RCOR2: variants seen among roughly 807,000 people sequenced by gnomAD.
RCOR2 encodes REST corepressor 2.
Under a neutral mutation model 58.9 loss-of-function variants are expected in RCOR2, and 19 were observed. The observed-to-expected ratio is 0.32, with a 90% CI of 0.23 to 0.47. The LOEUF (loss-of-function observed/expected upper bound fraction) is 0.47, where lower values mean the gene tolerates loss of function less well. Ranked by LOEUF, RCOR2 falls within the 20% of genes least tolerant of loss-of-function variation. The pLI is 1.00. For missense variants in RCOR2, 590 were observed against 707.9 expected (o/e 0.83, Z 1.89); for synonymous variants, 286 against 278.7 (o/e 1.03, Z -0.26).
chr11:63,927,014 G>T, the RCOR2 span, among the ~76,000 whole-genome samples: 4 of 151,168 alleles, frequency 2.6e-5, no homozygotes, highest in Admixed American at 2.6e-4. Context: ...TAGTAGAGAC[G>T]GGGTTTCACC....
chr11:63,911,736 T>TC lies in RCOR2; in HGVS notation c.*128dup. ...GAACCCAAAGGGCGGGGCTGGGCTG[T>TC]CCGAAACTCTGGTCTTACAAAGACC... On this transcript the variant is annotated 3_prime_UTR_variant, in exon 12 of 12. Coordinates refer to ENST00000301459, the MANE Select transcript of RCOR2 (RefSeq NM_173587.4). 1 of 1,358,398 alleles carries TC rather than the reference T, an allele frequency of 7.4e-7. No homozygotes were observed. The highest frequency in any genetic ancestry group is 1.8e-5 in the South Asian group (1 of 55,554). The allele number at this position is 1,358,398 out of a possible 1,614,324, so 84.1% of individuals were successfully genotyped here.
At chr11:63,926,575 C>G in the RCOR2 span, among the ~76,000 whole-genome samples, 1 of 151,280 alleles carries the variant, frequency 6.6e-6, no homozygotes, top group Non-Finnish European at 1.5e-5. Flanking sequence ...CAACCTCCAC[C>G]TCCCAGGTTC....
In RCOR2 at chr11:63,911,914, G is replaced by GT; in HGVS notation, c.1522_1523insA (p.Pro508HisfsTer48). ...CAGAGGGGTTCCAATCAGGGTGGGT[G>GT]GGGGCTGAGGGCCAGGGCGGGCGCT... On this transcript the variant is annotated frameshift_variant, in exon 12 of 12. Coordinates refer to ENST00000301459, the MANE Select transcript of RCOR2 (RefSeq NM_173587.4). LOFTEE classifies it high-confidence loss of function. 7.7e-7 allele frequency: 1 copy of GT among 1,304,528 alleles called. No homozygotes were observed. The highest frequency in any genetic ancestry group is 1.0e-6 in the Non-Finnish European group (1 of 976,060). The allele number at this position is 1,304,528 out of a possible 1,614,324, so 80.8% of individuals were successfully genotyped here. A position where few individuals can be genotyped will look rare whatever the true frequency, so the allele number is the denominator to read the frequency against.
At position 63,916,586 on chromosome 11, in the gene RCOR2, C is replaced by G; in HGVS notation, c.-130G>C. ...ACTGAGGTTAGGAGAGGCAGGAGGT[C>G]AGCGTGGCTAGGGTCCGGCGGGGTG... On this transcript the variant is annotated 5_prime_UTR_variant, in exon 1 of 12. Transcript: ENST00000301459. The G allele has an allele frequency of 1.4e-6, 2 of 1,416,678 alleles. No individual in the cohort carries two copies. The highest frequency in any genetic ancestry group is 1.5e-5 in the South Asian group (1 of 67,064). The allele number at this position is 1,416,678 out of a possible 1,614,324, so 87.8% of individuals were successfully genotyped here.
Position 63,912,900 on chromosome 11 carries a change from C to T in RCOR2, c.939G>A (p.Glu313=), listed in dbSNP as rs1473075475. 1.2e-5 allele frequency: 19 copies of T among 1,613,606 alleles called. No homozygotes were observed. Among genetic ancestry groups the T allele is most frequent in the Non-Finnish European group, 1.5e-5 (18 of 1,179,912 alleles). The stretch of plus-strand genomic sequence containing the variant: ...GGGGGCGTAGTGGATCAATACCGCC[C>T]TCCAGGGCTTGGCGCAGGCTGCTGT... ...QTNSSLRQAL[E]GGIDPLRPPE... Residue 313 remains glutamate, a synonymous_variant, in exon 9 of 12, where the codon GAG becomes GAA. Coordinates refer to ENST00000301459, the MANE Select transcript of RCOR2 (RefSeq NM_173587.4).
chr11:63,916,265 C>G, intron 1 of RCOR2, 65 bp downstream of exon 1: 1 of 1,391,992 alleles, frequency 7.2e-7, no homozygotes, highest in South Asian at 1.3e-5. Flanking sequence ...GCAACTCTTC[C>G]CCCTCCCGCC....
At chr11:63,925,814 AG>A in the RCOR2 span, among the ~76,000 whole-genome samples, 1 of 151,060 alleles carries the variant, frequency 6.6e-6, no homozygotes, top group African/African-American at 2.4e-5. Flanking sequence ...AAAAAAAAAA[AG>A]ATGGGAGTCT....
Position 63,912,316 on chromosome 11 carries a change from CCTCTAGGGCTGGGG to C in RCOR2, c.1232_1245del (p.Ala411GlyfsTer3). Reference sequence around the variant, plus strand: ...CACCCCCTTCTCACCTCATCATCTTCCTCTAGGGCTGGGGCTGGCAATGGAGCCCCTCTCCTAGC... The same window carrying C: ...CACCCCCTTCTCACCTCATCATCTTCCTGGCAATGGAGCCCCTCTCCTAGC... On this transcript the variant is annotated frameshift_variant, in exon 11 of 12. Transcript: ENST00000301459. LOFTEE classifies it low-confidence loss of function (END_TRUNC). 6.2e-7 allele frequency: 1 copy of C among 1,612,826 alleles called. No individual in the cohort carries two copies. The highest frequency in any genetic ancestry group is 8.5e-7 in the Non-Finnish European group (1 of 1,179,326).
chr11:63,914,395 C>T (rs1370837454), intron 6 of RCOR2, 22 bp downstream of exon 6: 2 of 1,613,290 alleles, frequency 1.2e-6, no homozygotes, highest in Non-Finnish European at 1.7e-6. Context: ...CCCCCATGCC[C>T]AGTGCTTGCT....
At position 63,912,145 on chromosome 11, in the gene RCOR2, C is replaced by G. The variant is rs548233693; in HGVS notation, c.1292G>C (p.Arg431Pro). 2.4e-5 allele frequency: 37 copies of G among 1,527,544 alleles called. No individual in the cohort carries two copies. Among genetic ancestry groups the G allele is most frequent in the East Asian group, 4.9e-5 (2 of 40,962 alleles). The allele number at this position is 1,527,544 out of a possible 1,614,324, so 94.6% of individuals were successfully genotyped here. A position where few individuals can be genotyped will look rare whatever the true frequency, so the allele number is the denominator to read the frequency against. ...GGGTGGTGGCGCAGGGGGCACTGAT[C>G]GGGGCACGGACGTGGAGACCGATGT... The part of the protein sequence containing the change: ...QITSVSTSVP[R>P]SVPPAPPPPP... Residue 431 changes from arginine to proline, a missense_variant, in exon 12 of 12, where the codon CGA becomes CCA. By Grantham distance (103) the Arg-to-Pro change is moderately radical (BLOSUM62 -2). Transcript: ENST00000301459.
At chr11:63,912,610 C>A in intron 10 of RCOR2, 66 bp downstream of exon 10, 1 of 1,595,818 alleles carries the variant, frequency 6.3e-7, no homozygotes, top group Non-Finnish European at 8.6e-7. Context: ...CCTCTGCCCC[C>A]CCACTCCTTG....
In RCOR2 at chr11:63,914,498, G is replaced by C. The variant is rs1941828816; in HGVS notation, c.524C>G (p.Ser175Cys). ...LIPSLVKYYY[S>C]WKKTRSRTSV... The stretch of plus-strand genomic sequence containing the variant: ...AGTTCGGCTGCGGGTCTTCTTCCAA[G>C]AGTAGTAGTATTTCACCAGGCTGGG... Residue 175 changes from serine to cysteine, a missense_variant, in exon 6 of 12, where the codon TCT becomes TGT. By Grantham distance (112) the Ser-to-Cys change is moderately radical. This residue lies in a region of RCOR2 where 390 missense variants were observed against 478.7 expected (regional missense o/e 0.81). Coordinates refer to ENST00000301459, the MANE Select transcript of RCOR2 (RefSeq NM_173587.4). The C allele has an allele frequency of 3.7e-6, 6 of 1,613,706 alleles. No homozygotes were observed. In the East Asian group the frequency reaches 1.3e-4, roughly 36 times the overall value.
chr11:63,922,724 C>T, the RCOR2 span, among the ~76,000 whole-genome samples: 1 of 152,184 alleles, frequency 6.6e-6, no homozygotes, highest in Non-Finnish European at 1.5e-5. Context: ...TTCCCTATTG[C>T]CTTCCAGGAA....
chr11:63,911,920 T>G lies in RCOR2; in HGVS notation c.1517A>C (p.Gln506Pro), dbSNP rs750159142. Residue 506 changes from glutamine to proline, a missense_variant, in exon 12 of 12, where the codon CAG becomes CCG. By Grantham distance (76) the Gln-to-Pro change is moderately conservative. Transcript: ENST00000301459. ...APRHSARPGP[Q>P]PPPTLIGTPL... The stretch of plus-strand genomic sequence containing the variant: ...GGTTCCAATCAGGGTGGGTGGGGGC[T>G]GAGGGCCAGGGCGGGCGCTGTGGCG... 2.7e-4 allele frequency: 259 copies of G among 973,230 alleles called. No individual in the cohort carries two copies. Among genetic ancestry groups the G allele is most frequent in the Non-Finnish European group, 2.7e-4 (199 of 734,866 alleles). 60.3% of individuals were successfully genotyped at this position (973,230 alleles called of 1,614,324 possible).
At position 63,912,453 on chromosome 11, in the gene RCOR2, A is replaced by G; in HGVS notation, c.1109T>C (p.Phe370Ser). 1 of 1,613,952 alleles carries G rather than the reference A, an allele frequency of 6.2e-7. No homozygotes were observed. Among genetic ancestry groups the G allele is most frequent in the Non-Finnish European group, 8.5e-7 (1 of 1,179,988 alleles). ...ATTGAAGCGGCGCCGGTAGCTCACA[A>G]AGAAAGTCTTCACCTGGGTCAGAGT... ...NKTLTQVKTF[F>S]VSYRRRFNLE... The change falls in exon 11 of 12, where the codon TTT (phenylalanine) becomes TCT (serine). Residue 370 changes from phenylalanine (F) to serine (S), a missense_variant. By Grantham distance (155) the Phe-to-Ser change is radical. Coordinates refer to ENST00000301459, the MANE Select transcript of RCOR2 (RefSeq NM_173587.4).
rs1006610348 is a variant in RCOR2, at chr11:63,911,615, C to T, written c.*250G>A. ...AGACTAGGACACAGCCATTCCAGTACCGGCCAGGAAGCGAAAGTGCCCTCA... is the reference window on the plus strand; with the variant it reads ...AGACTAGGACACAGCCATTCCAGTATCGGCCAGGAAGCGAAAGTGCCCTCA... On this transcript the variant is annotated 3_prime_UTR_variant, in exon 12 of 12. Coordinates refer to ENST00000301459, the MANE Select transcript of RCOR2 (RefSeq NM_173587.4). The T allele has an allele frequency of 4.4e-6, 2 of 457,094 alleles. No homozygotes were observed. Among genetic ancestry groups the T allele is most frequent in the African/African-American group, 2.1e-5 (1 of 48,086 alleles). 28.3% of individuals were successfully genotyped at this position (457,094 alleles called of 1,614,324 possible).
the RCOR2 span, among the ~76,000 whole-genome samples, chr11:63,924,074 A>G: frequency 6.6e-6 from 1 of 151,892 alleles, no homozygotes; most frequent in Non-Finnish European, 1.5e-5. Flanking sequence ...ACGCCCGGCT[A>G]ATTTTGTATT....
intron 8 of RCOR2, among the ~76,000 whole-genome samples, chr11:63,913,157 A>T (rs1304666364): frequency 1.3e-3 from 131 of 104,132 alleles, no homozygotes; most frequent in African/African-American, 2.7e-3. Context: ...TTATATTTTT[A>T]TTTTTTATAT....
At chr11:63,926,479 C>G in the RCOR2 span, among the ~76,000 whole-genome samples, 1 of 76,880 alleles carries the variant, frequency 1.3e-5, no homozygotes, top group African/African-American at 4.0e-5. Flanking sequence ...GTCTAATTCT[C>G]TCTCTCTCTC....
Sources: allele counts gnomAD v4.1 joint callset (sites outside exome capture counted in the v4.1 genomes callset), GRCh38; gene constraint gnomAD v4.1.1; regional missense constraint gnomAD v4.1.1; transcripts MANE v1.5; gene names NCBI Gene and HGNC (gene_info 2026-07-23, HGNC 2026-07-21).